Variants in KIF2C observed in about 807,000 individuals in gnomAD.
KIF2C encodes the protein kinesin family member 2C, also known as kinesin-like protein KIF2C.
In KIF2C, 34 loss-of-function variants were observed where a neutral mutation model predicts 97.4. That is an observed-to-expected ratio of 0.35 (90% CI 0.27 to 0.46). The LOEUF is 0.46. Ranked by LOEUF, KIF2C falls within the 20% of genes least tolerant of loss-of-function variation. The probability of loss-of-function intolerance (pLI) is 1.00; values close to 1 mark genes in which losing one functional copy is unlikely to be tolerated. For synonymous variants in KIF2C, 313 were observed against 318.2 expected (o/e 0.98, Z 0.17); for missense variants, 750 against 907.6 (o/e 0.83, Z 2.23).
At chr1:44,746,407 G>A in intron 2 of KIF2C, 2 of 1,123,564 alleles carry the variant, frequency 1.8e-6, no homozygotes, top group Non-Finnish European at 2.2e-6. Context: ...GCATGGGCAG[G>A]AAGCCGTAAC....
At chr1:44,757,791 G>C in intron 11 of KIF2C, 117 bp from the exon 12 acceptor site, 2 of 1,184,458 alleles carry the variant, frequency 1.7e-6, no homozygotes, top group Non-Finnish European at 2.5e-6. Flanking sequence ...GATGCAGGGA[G>C]GGGCTTTAGG....
chr1:44,747,630 G>A (rs1244627259), intron 3 of KIF2C, 22 bp from the exon 4 acceptor site: 2 of 1,613,034 alleles, frequency 1.2e-6, no homozygotes, highest in South Asian at 2.2e-5. Flanking sequence ...CATATATTGT[G>A]ACAATTTGAT....
chr1:44,742,817 G>C (rs985051843), intron 2 of KIF2C, among the ~76,000 whole-genome samples: 1 of 151,824 alleles, frequency 6.6e-6, no homozygotes, highest in African/African-American at 2.4e-5. Context: ...TGTGATATCA[G>C]TTTGGTGAAT....
At chr1:44,741,379 C>CAAAAAA (rs764626810) in intron 2 of KIF2C, among the ~76,000 whole-genome samples, 2 of 58,494 alleles carry the variant, frequency 3.4e-5, no homozygotes, top group Non-Finnish European at 7.0e-5. Flanking sequence ...GAATCTGTCT[C>CAAAAAA]AAAAAAAAAA....
chr1:44,761,965 C>T lies in KIF2C; in HGVS notation c.1733C>T (p.Thr578Ile). 1 of 1,614,040 alleles carries T rather than the reference C, an allele frequency of 6.2e-7. No homozygotes were observed. The highest frequency in any genetic ancestry group is 8.5e-7 in the Non-Finnish European group (1 of 1,179,934). Reference sequence around the variant, plus strand: ...AGCTCCTGTGAATATACTTTAAACACCCTGAGATATGCAGACAGGTACTAG... The same window carrying T: ...AGCTCCTGTGAATATACTTTAAACATCCTGAGATATGCAGACAGGTACTAG... ...GISSCEYTLNTLRYADRVKEL... is the reference protein window; with the variant it reads ...GISSCEYTLNILRYADRVKEL... The change falls in exon 17 of 21, where the codon ACC (threonine) becomes ATC (isoleucine). Residue 578 changes from threonine (T) to isoleucine (I), a missense_variant. Thr to Ile is a moderately conservative substitution (Grantham distance 89). Coordinates refer to ENST00000372224, the MANE Select transcript of KIF2C (RefSeq NM_006845.4).
At position 44,757,920 on chromosome 1, in the gene KIF2C, G is replaced by C. The variant is rs1311625857; in HGVS notation, c.1081G>C (p.Asp361His). ...GSGKTHTMGG[D>H]LSGKAQNASK... ...CTTCCCTTTGCAGACTATGGGCGGA[G>C]ACCTCTCTGGGAAAGCCCAGAATGC... is the stretch of plus-strand genomic sequence containing the variant. The change falls in exon 12 of 21, where the codon GAC becomes CAC. Residue 361 changes from aspartate (D) to histidine (H), a missense_variant. Coordinates refer to ENST00000372224, the MANE Select transcript of KIF2C (RefSeq NM_006845.4). 1 of 1,614,166 alleles carries C rather than the reference G, an allele frequency of 6.2e-7. No individual in the cohort carries two copies. The highest frequency in any genetic ancestry group is 1.1e-5 in the South Asian group (1 of 91,080).
At chr1:44,755,756 C>T (rs1219502792) in intron 8 of KIF2C, among the ~76,000 whole-genome samples, 173 bp from the exon 9 acceptor site, 2 of 152,184 alleles carry the variant, frequency 1.3e-5, no homozygotes, top group Admixed American at 6.6e-5. Flanking sequence ...AAATCCAGTG[C>T]TCCCTTCTTG....
chr1:44,751,751 G>A (rs1367852799), intron 5 of KIF2C, among the ~76,000 whole-genome samples: 2 of 148,974 alleles, frequency 1.3e-5, no homozygotes, highest in East Asian at 2.0e-4. Context: ...CATGTGATCT[G>A]CCCGCCTTGG....
chr1:44,745,411 G>T (rs1254216381), intron 2 of KIF2C, among the ~76,000 whole-genome samples: 6 of 132,878 alleles, frequency 4.5e-5, no homozygotes, highest in African/African-American at 1.7e-4. Flanking sequence ...TTGTACATAT[G>T]ACTTATAATC....
rs1029002934 is a variant in KIF2C at position 44,759,239 on chromosome 1, C to T, written c.1258C>T (p.Arg420Cys). 4.3e-6 allele frequency: 7 copies of T among 1,614,098 alleles called. No homozygotes were observed. The highest frequency in any genetic ancestry group is 1.3e-5 in the African/African-American group (1 of 75,038). Residue 420 changes from arginine (R) to cysteine (C), a missense_variant, in exon 14 of 21, where the codon CGC becomes TGC. Physicochemically the swap from Arg to Cys is radical, Grantham distance 180. Transcript: ENST00000372224. ...FDLLNKKAKL[R>C]VLEDGKQQVQ... is the part of the protein sequence containing the mutation. Reference sequence around the variant, plus strand: ...CCTGCTCAACAAGAAGGCCAAGCTGCGCGTGCTGGAGGACGGCAAGCAACA... The same window carrying T: ...CCTGCTCAACAAGAAGGCCAAGCTGTGCGTGCTGGAGGACGGCAAGCAACA...
rs148222545 is a variant in KIF2C, at chr1:44,759,113, C to G, written c.1225-93C>G. ...TTCTCTGCCTTTCCTGCTGCTGGCT[C>G]TTGTCCGAGCTGGGCAGGCTAGTAG... is the stretch of plus-strand genomic sequence containing the variant. On this transcript the variant is annotated intron_variant, in intron 13 of 20. Transcript: ENST00000372224. The G allele has an allele frequency of 1.2e-4, 185 of 1,524,542 alleles. No homozygotes were observed. In the African/African-American group the frequency reaches 2.3e-3, roughly 19 times the overall value. 94.4% of individuals were successfully genotyped at this position (1,524,542 alleles called of 1,614,324 possible). A position where few individuals can be genotyped will look rare whatever the true frequency, so the allele number is the denominator to read the frequency against.
intron 19 of KIF2C, 37 bp downstream of exon 19, chr1:44,762,695 C>A: frequency 7.3e-7 from 1 of 1,364,456 alleles, no homozygotes; most frequent in Non-Finnish European, 1.0e-6. Context: ...CTGGATGCAG[C>A]ACGGCCCTCA....
intron 5 of KIF2C, among the ~76,000 whole-genome samples, chr1:44,751,821 C>CTTTTTT (rs375561958): frequency 2.0e-5 from 2 of 100,098 alleles, no homozygotes; most frequent in Admixed American, 1.5e-4. Flanking sequence ...CTTTTTATAC[C>CTTTTTT]TTTTTTTTTT....
At chr1:44,754,710 T>A in intron 7 of KIF2C, 40 bp from the exon 8 acceptor site, 1 of 1,207,406 alleles carries the variant, frequency 8.3e-7, no homozygotes, top group Non-Finnish European at 1.2e-6. Flanking sequence ...AGCACTTATA[T>A]CTTAACAGTC....
At chr1:44,749,337 G>A (rs1313719188) in intron 4 of KIF2C, among the ~76,000 whole-genome samples, 1 of 152,192 alleles carries the variant, frequency 6.6e-6, no homozygotes, top group African/African-American at 2.4e-5. Flanking sequence ...AGGAAGCTGA[G>A]GCAGGAGAAT....
In KIF2C at chr1:44,751,699, G is replaced by T. The variant is rs1399862623; in HGVS notation, c.439+1135G>T. ...AATTTTGTCTTTTTAGTAGAGATGG[G>T]GTTTCTCCATGTTGGTCAGGCTGGT... is the stretch of plus-strand genomic sequence containing the variant. On this transcript the variant is annotated intron_variant, in intron 5 of 20. Transcript: ENST00000372224. 3.3e-5 allele frequency among the ~76,000 whole-genome samples: 5 copies of T among 151,026 alleles called. No individual in the cohort carries two copies. In the Admixed American group the frequency reaches 3.3e-4, roughly 10 times the overall value.
chr1:44,757,008 C>T (rs1649877277), intron 10 of KIF2C, among the ~76,000 whole-genome samples: 1 of 152,128 alleles, frequency 6.6e-6, no homozygotes. Flanking sequence ...ACCCCCGCCT[C>T]CCAGGTTCAA....
At chr1:44,766,609 CAAAAAAG>C (rs1051481633) in intron 19 of KIF2C, among the ~76,000 whole-genome samples, 7 of 151,844 alleles carry the variant, frequency 4.6e-5, no homozygotes, top group African/African-American at 1.7e-4. Flanking sequence ...GAAACTGTCT[CAAAAAAG>C]AAACAAAGAA....
At chr1:44,740,118 T>C in intron 1 of KIF2C, 116 bp downstream of exon 1, 1 of 1,228,894 alleles carries the variant, frequency 8.1e-7, no homozygotes, top group Non-Finnish European at 1.2e-6. Flanking sequence ...CTCCCTCCTT[T>C]TCACACGCAC....
Sources: gnomAD v4.1 joint callset for allele counts (sites outside exome capture counted in the v4.1 genomes callset) on GRCh38, gnomAD v4.1.1 for gene constraint, MANE v1.5 for transcripts, NCBI Gene and HGNC (gene_info 2026-07-23, HGNC 2026-07-21) for gene names.